The following NCALD variants were observed in gnomAD, a reference collection of about 807,000 sequenced individuals.
The protein encoded by NCALD is neurocalcin-delta.
Under a neutral mutation model 18.6 loss-of-function variants are expected in NCALD, and 10 were observed. That is an observed-to-expected ratio of 0.54 (90% CI 0.33 to 0.91). NCALD has a LOEUF of 0.91. NCALD is among the 40% of genes least tolerant of loss of function. The pLI, the probability that NCALD is intolerant of heterozygous loss-of-function variation, is 0.03. For synonymous variants in NCALD, 88 were observed against 87.4 expected (o/e 1.01, Z -0.04); for missense variants, 184 against 247.6 (o/e 0.74, Z 1.72).
intron 1 of NCALD, among the ~76,000 whole-genome samples, chr8:102,027,640 G>A (rs1371758311): frequency 6.6e-6 from 1 of 152,018 alleles, no homozygotes. Context: ...TCATTTTTGG[G>A]TATCTTTACA....
chr8:101,770,699 T>C (rs1811548072), intron 1 of NCALD, among the ~76,000 whole-genome samples: 1 of 152,178 alleles, frequency 6.6e-6, no homozygotes, highest in Admixed American at 6.5e-5. Flanking sequence ...TCTTTCTCTC[T>C]CAAGGCACAG....
intron 1 of NCALD, among the ~76,000 whole-genome samples, chr8:101,742,237 AAAAAG>A (rs1216443820): frequency 6.6e-6 from 1 of 152,118 alleles, no homozygotes; most frequent in Non-Finnish European, 1.5e-5. Context: ...AAAGAAAAAA[AAAAAG>A]AAAGAAAGAA....
At chr8:101,726,737 G>A (rs536757708) in intron 1 of NCALD, among the ~76,000 whole-genome samples, 4 of 152,218 alleles carry the variant, frequency 2.6e-5, no homozygotes, top group Non-Finnish European at 4.4e-5. Context: ...TCAGTGAGGC[G>A]ATATAAATTT....
rs558943541 is a variant in NCALD at position 101,926,858 on chromosome 8, C to T, written c.-156-11000G>A. On this transcript the variant is annotated intron_variant, in intron 2 of 6. Transcript: ENST00000311028. Reference sequence around the variant, plus strand: ...GAAGTGGCAGTAGTTTCTGTGGCCACTTTCCAGGAATGCTTTTCTCATGTT... The same window carrying T: ...GAAGTGGCAGTAGTTTCTGTGGCCATTTTCCAGGAATGCTTTTCTCATGTT... Among the ~76,000 whole-genome samples the T allele has an allele frequency of 7.2e-5, 11 of 152,318 alleles. No individual in the cohort carries two copies. In the South Asian group the frequency reaches 2.3e-3, roughly 32 times the overall value.
chr8:101,958,813 C>T (rs1236027953), intron 2 of NCALD, among the ~76,000 whole-genome samples: 2 of 152,092 alleles, frequency 1.3e-5, no homozygotes, highest in African/African-American at 2.4e-5. Flanking sequence ...ATGAATGATG[C>T]CAATTCCTTG....
intron 3 of NCALD, among the ~76,000 whole-genome samples, chr8:101,913,889 C>G (rs915506988): frequency 5.9e-5 from 9 of 152,110 alleles, no homozygotes; most frequent in African/African-American, 2.2e-4. Context: ...GCCTACTTAA[C>G]TGTTTTTCAA....
In NCALD at chr8:102,037,871, A is replaced by G; in HGVS notation, c.-209-17582T>C. 1.3e-5 allele frequency among the ~76,000 whole-genome samples: 2 copies of G among 152,200 alleles called. 1 individual carries two copies. Among genetic ancestry groups the G allele is most frequent in the Non-Finnish European group, 2.9e-5 (2 of 68,040 alleles). Reference sequence around the variant, plus strand: ...TTTCATGAAGAAAACAAAAGAGTAAACAATCCTGGATCTGAACTGATAGCA... The same window carrying G: ...TTTCATGAAGAAAACAAAAGAGTAAGCAATCCTGGATCTGAACTGATAGCA... On this transcript the variant is annotated intron_variant, in intron 1 of 6. Coordinates refer to the NCALD transcript ENST00000311028.
intron 2 of NCALD, among the ~76,000 whole-genome samples, chr8:101,928,184 G>A (rs760846967): frequency 6.6e-6 from 1 of 152,172 alleles, no homozygotes; most frequent in African/African-American, 2.4e-5. Context: ...ATCGCGCGAT[G>A]TAGAGATTAT....
intron 2 of NCALD, among the ~76,000 whole-genome samples, chr8:101,996,488 A>T (rs563463181): frequency 6.6e-6 from 1 of 152,370 alleles, no homozygotes; most frequent in East Asian, 1.9e-4. Context: ...GCTGTTGCTC[A>T]CAACAATATC....
rs71268530 is a variant in NCALD at position 101,801,643 on chromosome 8, C to CTTT, written c.-19-81998_-19-81996dup. On this transcript the variant is annotated intron_variant, in intron 4 of 6. Transcript: ENST00000311028. ...TCTCTATGATTTACAAGCACACTTA[C>CTTT]TTTTTTTTTTTTTTTTTTTTTTTTT... is the stretch of plus-strand genomic sequence containing the variant. Among the ~76,000 whole-genome samples the CTTT allele has an allele frequency of 3.8e-3, 168 of 44,168 alleles. 63 individuals are homozygous for CTTT. The highest frequency in any genetic ancestry group is 0.019 in the Middle Eastern group (1 of 54). 29.0% of individuals were successfully genotyped at this position (44,168 alleles called of 152,430 possible). A position where few individuals can be genotyped will look rare whatever the true frequency, so the allele number is the denominator to read the frequency against.
At chr8:102,044,769 T>C (rs1183556108) in intron 1 of NCALD, among the ~76,000 whole-genome samples, 1 of 152,180 alleles carries the variant, frequency 6.6e-6, no homozygotes, top group African/African-American at 2.4e-5. Context: ...AGCATATGGT[T>C]AAGAGCATAG....
At chr8:101,980,259 C>T (rs576464574) in intron 2 of NCALD, among the ~76,000 whole-genome samples, 40 of 152,150 alleles carry the variant, frequency 2.6e-4, no homozygotes, top group Non-Finnish European at 5.0e-4. Context: ...GGAGGTGGGG[C>T]GCACATTAGA....
At chr8:101,924,847 A>C (rs1415255692) in intron 2 of NCALD, among the ~76,000 whole-genome samples, 2 of 152,202 alleles carry the variant, frequency 1.3e-5, no homozygotes, top group Admixed American at 1.3e-4. Flanking sequence ...GGATTCATCT[A>C]GTTCTTTCCA....
chr8:102,083,288 T>C (rs1158613271), intron 1 of NCALD, among the ~76,000 whole-genome samples: 1 of 152,234 alleles, frequency 6.6e-6, no homozygotes, highest in African/African-American at 2.4e-5. Flanking sequence ...AGCAGACCAG[T>C]ATTTCAAACC....
chr8:101,998,781 G>A (rs771924826), intron 2 of NCALD, among the ~76,000 whole-genome samples: 10 of 152,096 alleles, frequency 6.6e-5, no homozygotes, highest in African/African-American at 1.2e-4. Context: ...TCAAACCCTC[G>A]GAGGCAGATT....
intron 1 of NCALD, among the ~76,000 whole-genome samples, chr8:102,066,484 TAC>T (rs2132277312): frequency 6.6e-6 from 1 of 152,234 alleles, no homozygotes; most frequent in African/African-American, 2.4e-5. Context: ...GCCCAGACAA[TAC>T]ACGAAGAACA....
intron 1 of NCALD, among the ~76,000 whole-genome samples, chr8:102,108,090 G>T (rs1277367225): frequency 6.6e-6 from 1 of 152,152 alleles, no homozygotes; most frequent in Non-Finnish European, 1.5e-5. Flanking sequence ...GGATGGGGGA[G>T]GGAAGGAGAC....
At chr8:101,925,700 G>A (rs538136074) in intron 2 of NCALD, among the ~76,000 whole-genome samples, 1 of 152,276 alleles carries the variant, frequency 6.6e-6, no homozygotes, top group East Asian at 1.9e-4. Flanking sequence ...CCAGCCCCTA[G>A]AACAGAACCC....
intron 2 of NCALD, among the ~76,000 whole-genome samples, chr8:101,998,094 T>C (rs1821306669): frequency 6.6e-6 from 1 of 152,082 alleles, no homozygotes; most frequent in African/African-American, 2.4e-5. Context: ...TGAGGTCAAA[T>C]GCAGGCTCCA....
Sources: allele counts gnomAD v4.1 joint callset (sites outside exome capture counted in the v4.1 genomes callset), GRCh38; gene constraint gnomAD v4.1.1; transcripts MANE v1.5; gene names NCBI Gene and HGNC (gene_info 2026-07-23, HGNC 2026-07-21).